BTBD16: variants seen among roughly 807,000 people sequenced by gnomAD.
The protein encoded by BTBD16 is BTB domain containing 16.
A neutral mutation model predicts 67.4 loss-of-function variants in BTBD16; 66 were observed. The observed-to-expected ratio is 0.98, with a 90% CI of 0.80 to 1.20. BTBD16 has a LOEUF of 1.20. Among genes scored for constraint, BTBD16 ranks in the 50% most tolerant of loss-of-function variants. The probability of loss-of-function intolerance (pLI) is 0.00; values close to 1 mark genes in which losing one functional copy is unlikely to be tolerated. For synonymous variants in BTBD16, 242 were observed against 236.4 expected (o/e 1.02, Z -0.22); for missense variants, 634 against 616.0 (o/e 1.03, Z -0.31).
chr10:122,275,793 T>G (rs1234119884), intron 2 of BTBD16, among the ~76,000 whole-genome samples: 1 of 152,170 alleles, frequency 6.6e-6, no homozygotes, highest in African/African-American at 2.4e-5. Context: ...CTTTTTTATG[T>G]AAATTGCTGA....
At chr10:122,308,188 G>A (rs929138975) in intron 10 of BTBD16, among the ~76,000 whole-genome samples, 1 of 152,206 alleles carries the variant, frequency 6.6e-6, no homozygotes, top group Non-Finnish European at 1.5e-5. Flanking sequence ...GAGCTAGAAT[G>A]TGGTGATTCA....
chr10:122,277,069 G>C, intron 3 of BTBD16, 130 bp downstream of exon 3: 1 of 1,084,936 alleles, frequency 9.2e-7, no homozygotes, highest in Non-Finnish European at 1.3e-6. Flanking sequence ...GGCTCCCTCT[G>C]GAGCCAGCTC....
chr10:122,307,297 AT>A lies in BTBD16; in HGVS notation c.906del (p.Phe302LeufsTer15), dbSNP rs766024825. Reference protein sequence around the residue: ...AIPTYETVMTFFKSFPENCCF... With the variant: ...AIPTYETVMTXFKSFPENCCF... ...TTCCGACTTATGAAACCGTGATGAC[AT>A]TTTTTAAGAGGTAATATAACTTAGT... On this transcript the variant is annotated frameshift_variant, in exon 10 of 16. Coordinates refer to ENST00000260723, the MANE Select transcript of BTBD16 (RefSeq NM_144587.5). LOFTEE classifies it high-confidence loss of function. 1 of 1,605,064 alleles carries A rather than the reference AT, an allele frequency of 6.2e-7. No individual in the cohort carries two copies. Among genetic ancestry groups the A allele is most frequent in the Non-Finnish European group, 8.5e-7 (1 of 1,177,358 alleles).
intron 13 of BTBD16, among the ~76,000 whole-genome samples, chr10:122,334,143 T>A (rs1163791512): frequency 6.6e-6 from 1 of 152,138 alleles, no homozygotes; most frequent in African/African-American, 2.4e-5. Flanking sequence ...AGTTGCTGAA[T>A]AAGTGACGGT....
At chr10:122,316,048 C>T (rs1199520996) in intron 10 of BTBD16, among the ~76,000 whole-genome samples, 1 of 152,128 alleles carries the variant, frequency 6.6e-6, no homozygotes, top group African/African-American at 2.4e-5. Flanking sequence ...AGGCAGATCA[C>T]CTGAGGTTGG....
At chr10:122,316,795 T>A (rs1364874070) in intron 10 of BTBD16, among the ~76,000 whole-genome samples, 1 of 152,072 alleles carries the variant, frequency 6.6e-6, no homozygotes, top group African/African-American at 2.4e-5. Flanking sequence ...GTAGACTTTT[T>A]TTTTTTTTTT....
At chr10:122,328,890 A>G (rs2096450064) in intron 10 of BTBD16, 1 of 890,098 alleles carries the variant, frequency 1.1e-6, no homozygotes, top group Non-Finnish European at 1.3e-6. Flanking sequence ...AACACTGAGT[A>G]TAGCAGAACT....
At position 122,329,588 on chromosome 10, in the gene BTBD16, G is replaced by A. The variant is rs753358951; in HGVS notation, c.1003+17G>A. 6.2e-7 allele frequency: 1 copy of A among 1,610,764 alleles called. No homozygotes were observed. Among genetic ancestry groups the A allele is most frequent in the Non-Finnish European group, 8.5e-7 (1 of 1,178,658 alleles). ...TCACCAAAGGTAAGCCCCAGTCCAG[G>A]CGAGCGCATCCACGGGAAAGCTGCT... On this transcript the variant is annotated intron_variant, in intron 11 of 15. Transcript: ENST00000260723.
At chr10:122,303,643 T>A in intron 9 of BTBD16, 3 of 841,288 alleles carry the variant, frequency 3.6e-6, no homozygotes, top group Non-Finnish European at 4.3e-6. Flanking sequence ...TGTTTATATA[T>A]AATTTTCTCA....
At chr10:122,284,779 C>A (rs1017361405) in intron 4 of BTBD16, among the ~76,000 whole-genome samples, 1 of 149,004 alleles carries the variant, frequency 6.7e-6, no homozygotes, top group Non-Finnish European at 1.5e-5. Context: ...ATTCTTTTCT[C>A]TCCTTCAACT....
intron 10 of BTBD16, among the ~76,000 whole-genome samples, chr10:122,309,634 C>T (rs745439564): frequency 2.0e-5 from 3 of 151,928 alleles, no homozygotes; most frequent in Non-Finnish European, 4.4e-5. Context: ...TGAGCCACTG[C>T]GCCCAGCCTA....
intron 12 of BTBD16, chr10:122,332,073 TC>T (rs1394056883): frequency 5.1e-6 from 1 of 196,076 alleles, no homozygotes; most frequent in Admixed American, 5.5e-5. Context: ...CCTCTCCAAT[TC>T]CGCTCCCTCT....
At chr10:122,310,840 A>C (rs1356090591) in intron 10 of BTBD16, among the ~76,000 whole-genome samples, 1 of 152,238 alleles carries the variant, frequency 6.6e-6, no homozygotes, top group African/African-American at 2.4e-5. Context: ...GACAAGCTGA[A>C]CAAATATTAG....
At chr10:122,292,621 G>T (rs753547636) in intron 7 of BTBD16, among the ~76,000 whole-genome samples, 4 of 152,234 alleles carry the variant, frequency 2.6e-5, no homozygotes, top group Non-Finnish European at 4.4e-5. Context: ...TCACTCACTT[G>T]TTGGTTTATT....
intron 10 of BTBD16, among the ~76,000 whole-genome samples, chr10:122,309,332 G>GC (rs1403946283): frequency 1.3e-5 from 2 of 149,730 alleles, no homozygotes. Context: ...TTGTTTGTTT[G>GC]TTTTTTGGTT....
At chr10:122,278,589 G>T (rs2096345773) in intron 3 of BTBD16, among the ~76,000 whole-genome samples, 1 of 152,182 alleles carries the variant, frequency 6.6e-6, no homozygotes, top group South Asian at 2.1e-4. Context: ...TCAGCTCTGT[G>T]CTCTGCCAGT....
At chr10:122,271,917 T>C (rs917374369) in intron 1 of BTBD16, among the ~76,000 whole-genome samples, 2 of 152,192 alleles carry the variant, frequency 1.3e-5, no homozygotes, top group African/African-American at 2.4e-5. Context: ...CGGTGCTCTG[T>C]GGGCATAGCG....
chr10:122,312,901 G>C (rs1423841785), intron 10 of BTBD16, among the ~76,000 whole-genome samples: 1 of 151,654 alleles, frequency 6.6e-6, no homozygotes, highest in Non-Finnish European at 1.5e-5. Flanking sequence ...GTTGTTGAGA[G>C]AGTCTCACTC....
At chr10:122,281,269 T>G (rs2096352521) in intron 3 of BTBD16, among the ~76,000 whole-genome samples, 1 of 152,222 alleles carries the variant, frequency 6.6e-6, no homozygotes, top group Non-Finnish European at 1.5e-5. Flanking sequence ...GGCCTTTGTG[T>G]GTGGCTGTAG....
Sources: gnomAD v4.1 joint callset for allele counts (sites outside exome capture counted in the v4.1 genomes callset) on GRCh38, gnomAD v4.1.1 for gene constraint, MANE v1.5 for transcripts, NCBI Gene and HGNC (gene_info 2026-07-23, HGNC 2026-07-21) for gene names.